PPP3CA: variants seen among roughly 807,000 people sequenced by gnomAD.
The protein encoded by PPP3CA is CAM-PRP catalytic subunit.
Under a neutral mutation model 66.5 loss-of-function variants are expected in PPP3CA, and 14 were observed. That is an observed-to-expected ratio of 0.21 (90% CI 0.14 to 0.33). PPP3CA has a LOEUF of 0.33. Ranked by LOEUF, PPP3CA falls within the 10% of genes least tolerant of loss-of-function variation. The pLI, the probability that PPP3CA is intolerant of heterozygous loss-of-function variation, is 1.00. For synonymous variants in PPP3CA, 232 were observed against 226.2 expected, an observed-to-expected ratio of 1.03 and a Z score of -0.23; for missense variants, 317 against 639.5, an observed-to-expected ratio of 0.50 and a Z score of 5.44.
intron 12 of PPP3CA, among the ~76,000 whole-genome samples, chr4:101,029,895 C>A: frequency 6.6e-6 from 1 of 151,416 alleles, no homozygotes; most frequent in East Asian, 1.9e-4. Context: ...CCAGCAAGCC[C>A]AATTATGTTT....
chr4:101,053,060 T>C (rs1203587015), intron 10 of PPP3CA, among the ~76,000 whole-genome samples: 1 of 152,118 alleles, frequency 6.6e-6, no homozygotes, highest in Non-Finnish European at 1.5e-5. Flanking sequence ...GGACCATATG[T>C]GTTCTGTTCA....
intron 1 of PPP3CA, among the ~76,000 whole-genome samples, chr4:101,271,072 T>A (rs551669684): frequency 6.6e-6 from 1 of 152,132 alleles, no homozygotes; most frequent in South Asian, 2.1e-4. Context: ...CTCCTCCTCC[T>A]CAAGGTCTTT....
chr4:101,061,941 A>C (rs1728481073), intron 9 of PPP3CA, among the ~76,000 whole-genome samples: 1 of 152,060 alleles, frequency 6.6e-6, no homozygotes, highest in Admixed American at 6.6e-5. Flanking sequence ...TTTTAAAGTA[A>C]TATGCTATTT....
intron 1 of PPP3CA, among the ~76,000 whole-genome samples, chr4:101,258,440 C>A (rs1403715354): frequency 6.6e-6 from 1 of 152,008 alleles, no homozygotes. Context: ...AAGAAGATAA[C>A]CTATATGTTC....
chr4:101,195,884 AC>A (rs765505581), intron 2 of PPP3CA, 31 bp downstream of exon 2: 1 of 1,595,314 alleles, frequency 6.3e-7, no homozygotes, highest in Non-Finnish European at 8.6e-7. Flanking sequence ...AAATGTGTAT[AC>A]AAGTGGGCAA....
At chr4:101,139,990 T>G (rs531081298) in intron 2 of PPP3CA, among the ~76,000 whole-genome samples, 1 of 152,238 alleles carries the variant, frequency 6.6e-6, no homozygotes, top group African/African-American at 2.4e-5. Flanking sequence ...ATTTTAGCTG[T>G]TGGTAACAAA....
chr4:101,025,940 G>A lies in PPP3CA; in HGVS notation c.1491C>T (p.Asn497=), dbSNP rs1222451366. The change falls in exon 14 of 14, where the codon AAC becomes AAT. Residue 497 remains asparagine, a synonymous_variant. Transcript: ENST00000394854. ...RDAMPSDANL[N]SINKALTSET... is the part of the protein sequence containing the mutation. ...CTGAGGTGAGAGCCTTGTTGATGGA[G>A]TTAAGGTTGGCGTCAGAGGGCATGG... 1 of 1,612,072 alleles carries A rather than the reference G, an allele frequency of 6.2e-7. No homozygotes were observed. Among genetic ancestry groups the A allele is most frequent in the Non-Finnish European group, 8.5e-7 (1 of 1,178,988 alleles).
At chr4:101,029,451 C>T (rs1312517857) in intron 12 of PPP3CA, among the ~76,000 whole-genome samples, 1 of 150,652 alleles carries the variant, frequency 6.6e-6, no homozygotes, top group African/African-American at 2.4e-5. Flanking sequence ...TTGGTTTTTG[C>T]CCACTAAATA....
At chr4:101,167,754 T>C (rs576704616) in intron 2 of PPP3CA, among the ~76,000 whole-genome samples, 1 of 152,140 alleles carries the variant, frequency 6.6e-6, no homozygotes, top group South Asian at 2.1e-4. Context: ...TCAGGGCTGG[T>C]ATAATTATGT....
At chr4:101,070,079 G>A (rs1035827501) in intron 8 of PPP3CA, among the ~76,000 whole-genome samples, 1 of 152,048 alleles carries the variant, frequency 6.6e-6, no homozygotes, top group African/African-American at 2.4e-5. Context: ...TTGATATAGG[G>A]TTAGCAAATT....
chr4:101,094,158 T>C (rs1471084058), intron 5 of PPP3CA, among the ~76,000 whole-genome samples: 1 of 152,144 alleles, frequency 6.6e-6, no homozygotes, highest in Non-Finnish European at 1.5e-5. Context: ...TATCTTCATC[T>C]AACCCTTTAC....
At chr4:101,128,735 A>G (rs1722328990) in intron 2 of PPP3CA, among the ~76,000 whole-genome samples, 1 of 152,024 alleles carries the variant, frequency 6.6e-6, no homozygotes, top group Non-Finnish European at 1.5e-5. Context: ...CGCTTTCCCC[A>G]CGGCCTTTGC....
chr4:101,102,916 T>C (rs1277196627), intron 3 of PPP3CA, among the ~76,000 whole-genome samples: 6 of 152,188 alleles, frequency 3.9e-5, no homozygotes, highest in Non-Finnish European at 8.8e-5. Context: ...ACTGGACCGC[T>C]ATTGTCTTTC....
At chr4:101,028,304 A>C (rs1293067730) in intron 13 of PPP3CA, among the ~76,000 whole-genome samples, 1 of 152,188 alleles carries the variant, frequency 6.6e-6, no homozygotes, top group Non-Finnish European at 1.5e-5. Context: ...AATATTAAAA[A>C]CTATTTTGAT....
At chr4:101,206,710 T>C (rs929107610) in intron 1 of PPP3CA, among the ~76,000 whole-genome samples, 30 of 152,362 alleles carry the variant, frequency 2.0e-4, no homozygotes, top group Admixed American at 5.2e-4. Flanking sequence ...ATATGTGTTT[T>C]TGAGTCAATG....
intron 9 of PPP3CA, among the ~76,000 whole-genome samples, chr4:101,062,782 A>G (rs560664497): frequency 6.6e-6 from 1 of 152,144 alleles, no homozygotes; most frequent in Non-Finnish European, 1.5e-5. Context: ...TGTAGCCATT[A>G]AGCACTATCG....
At chr4:101,092,409 G>A (rs1238536897) in intron 6 of PPP3CA, among the ~76,000 whole-genome samples, 1 of 149,834 alleles carries the variant, frequency 6.7e-6, no homozygotes, top group East Asian at 1.9e-4. Context: ...CAAGGCTGGT[G>A]TTGGATTTTT....
chr4:101,286,028 G>C lies in PPP3CA; in HGVS notation c.58+60711C>G, dbSNP rs535989984. On this transcript the variant is annotated intron_variant, in intron 1 of 13. Coordinates refer to ENST00000394854, the MANE Select transcript of PPP3CA (RefSeq NM_000944.5). ...AAGACAATTTTTTCATGTACAAGGC[G>C]GGGGTGGATGGATGGTTTCAGGATG... 4.2e-4 allele frequency among the ~76,000 whole-genome samples: 64 copies of C among 152,268 alleles called. 1 individual carries two copies. The highest frequency in any genetic ancestry group is 3.4e-3 in the Middle Eastern group (1 of 294).
chr4:101,040,678 T>C (rs1727477530), intron 10 of PPP3CA, 112 bp from the exon 11 acceptor site: 2 of 829,108 alleles, frequency 2.4e-6, no homozygotes, highest in Non-Finnish European at 3.6e-6. Flanking sequence ...ATTTTTTTTT[T>C]TTCCCCCTTA....
Sources: gnomAD v4.1 joint callset for allele counts (sites outside exome capture counted in the v4.1 genomes callset) on GRCh38, gnomAD v4.1.1 for gene constraint, MANE v1.5 for transcripts, NCBI Gene and HGNC (gene_info 2026-07-23, HGNC 2026-07-21) for gene names.